Variants in OPCML observed in about 807,000 individuals in gnomAD.
OPCML encodes the protein opioid binding protein/cell adhesion molecule like, also known as opioid-binding protein/cell adhesion molecule.
In OPCML, 13 loss-of-function variants were observed where a neutral mutation model predicts 37.8. That is an observed-to-expected ratio of 0.34 (90% CI 0.22 to 0.55). The LOEUF (loss-of-function observed/expected upper bound fraction) is 0.55, where lower values mean the gene tolerates loss of function less well. Ranked by LOEUF, OPCML falls within the 20% of genes least tolerant of loss-of-function variation. OPCML has a pLI of 0.91. For synonymous variants in OPCML, 176 were observed against 168.8 expected (o/e 1.04, Z -0.33); for missense variants, 341 against 435.6 (o/e 0.78, Z 1.93).
At chr11:132,835,674 A>G (rs957569507) in intron 2 of OPCML, among the ~76,000 whole-genome samples, 1 of 152,200 alleles carries the variant, frequency 6.6e-6, no homozygotes, top group Admixed American at 6.5e-5. Context: ...TGGACCCTAG[A>G]AGAGGCCCTA....
At chr11:133,498,076 C>A (rs1421295474) in intron 1 of OPCML, among the ~76,000 whole-genome samples, 2 of 152,182 alleles carry the variant, frequency 1.3e-5, no homozygotes, top group African/African-American at 4.8e-5. Context: ...GGGGCCAAGG[C>A]AGCATCTCTG....
chr11:132,499,709 T>TA (rs1565615843), intron 4 of OPCML, among the ~76,000 whole-genome samples: 1 of 152,208 alleles, frequency 6.6e-6, no homozygotes, highest in Non-Finnish European at 1.5e-5. Flanking sequence ...AACAGAGATG[T>TA]GCATTAGAAC....
intron 2 of OPCML, among the ~76,000 whole-genome samples, chr11:132,919,693 G>A (rs1367676436): frequency 1.3e-5 from 2 of 152,106 alleles, no homozygotes; most frequent in Non-Finnish European, 2.9e-5. Context: ...CAAGTACCGT[G>A]ATGTGTTGAA....
chr11:132,505,421 C>A (rs562322704), intron 4 of OPCML, among the ~76,000 whole-genome samples: 27 of 152,180 alleles, frequency 1.8e-4, no homozygotes, highest in South Asian at 1.7e-3. Flanking sequence ...ATAAAAAAAT[C>A]GGCTTCCAGA....
chr11:132,904,503 T>C lies in OPCML; in HGVS notation c.146+38423A>G, dbSNP rs570892644. The stretch of plus-strand genomic sequence containing the variant: ...TCTTGAATTTGTGACCTCAGACTGC[T>C]GTGAAATAAATGCAATTTGGAGAAT... On this transcript the variant is annotated intron_variant, in intron 2 of 7. Coordinates refer to ENST00000524381, the MANE Select transcript of OPCML (RefSeq NM_001012393.5). Among the ~76,000 whole-genome samples, 120 of 152,250 alleles carry C rather than the reference T, an allele frequency of 7.9e-4. 1 individual carries two copies. Among genetic ancestry groups the C allele is most frequent in the Admixed American group, 1.6e-3 (25 of 15,286 alleles).
intron 1 of OPCML, among the ~76,000 whole-genome samples, chr11:133,107,437 C>T (rs1382025305): frequency 1.3e-5 from 2 of 152,180 alleles, no homozygotes; most frequent in Non-Finnish European, 2.9e-5. Flanking sequence ...CTTGTCCATG[C>T]TTCTGGAGCT....
At chr11:132,690,171 T>C (rs1200188337) in intron 2 of OPCML, among the ~76,000 whole-genome samples, 1 of 152,084 alleles carries the variant, frequency 6.6e-6, no homozygotes, top group Non-Finnish European at 1.5e-5. Flanking sequence ...AACTCCTGGG[T>C]TCAAGTGGTC....
chr11:132,483,740 C>T (rs1423962783), intron 4 of OPCML, among the ~76,000 whole-genome samples: 1 of 151,860 alleles, frequency 6.6e-6, no homozygotes, highest in Non-Finnish European at 1.5e-5. Flanking sequence ...TGGAACAGAA[C>T]AGAGCCCTCA....
At chr11:132,928,162 C>T (rs776381099) in intron 2 of OPCML, among the ~76,000 whole-genome samples, 9 of 151,888 alleles carry the variant, frequency 5.9e-5, no homozygotes, top group Admixed American at 1.3e-4. Context: ...ATGGATTAAA[C>T]GGCACAATCT....
chr11:133,249,340 A>G (rs1316174234), intron 1 of OPCML, among the ~76,000 whole-genome samples: 1 of 152,162 alleles, frequency 6.6e-6, no homozygotes, highest in African/African-American at 2.4e-5. Context: ...TTGAACGATC[A>G]GTTCTGGTGA....
intron 2 of OPCML, among the ~76,000 whole-genome samples, chr11:132,823,973 C>T (rs1420564477): frequency 6.6e-6 from 1 of 152,172 alleles, no homozygotes; most frequent in Non-Finnish European, 1.5e-5. Context: ...CTGACCTGTC[C>T]CTTCCTGCTG....
intron 1 of OPCML, chr11:133,004,377 C>T (rs2136856833): frequency 1.0e-6 from 1 of 985,476 alleles, no homozygotes; most frequent in South Asian, 4.7e-5. Context: ...GTTCTGCTCT[C>T]TCTTCAGAGG....
At chr11:133,175,494 A>AC (rs1044947621) in intron 1 of OPCML, among the ~76,000 whole-genome samples, 10 of 151,926 alleles carry the variant, frequency 6.6e-5, no homozygotes, top group African/African-American at 2.4e-4. Context: ...GAAAAAAAAA[A>AC]AAAACAGAAC....
At chr11:133,366,434 A>G (rs1028980336) in intron 1 of OPCML, among the ~76,000 whole-genome samples, 7 of 152,162 alleles carry the variant, frequency 4.6e-5, no homozygotes, top group South Asian at 4.1e-4. Context: ...CCCCTTCCCT[A>G]TGGGGAAGAA....
chr11:133,239,899 A>C (rs1025106568), intron 1 of OPCML, among the ~76,000 whole-genome samples: 5 of 152,128 alleles, frequency 3.3e-5, no homozygotes, highest in Admixed American at 2.6e-4. Context: ...AAAGGAATAA[A>C]ATGTGTCATT....
intron 2 of OPCML, among the ~76,000 whole-genome samples, chr11:132,801,089 A>G (rs547711758): frequency 1.3e-5 from 2 of 152,334 alleles, no homozygotes; most frequent in South Asian, 2.1e-4. Flanking sequence ...AGGTCTACTC[A>G]AATTTTTAAT....
intron 2 of OPCML, among the ~76,000 whole-genome samples, chr11:132,660,332 C>T (rs1201371350): frequency 6.6e-6 from 1 of 152,150 alleles, no homozygotes. Context: ...CCAAAAATCA[C>T]ATAGTAATAT....
intron 2 of OPCML, among the ~76,000 whole-genome samples, chr11:132,667,306 A>T (rs1257786007): frequency 6.6e-6 from 1 of 152,202 alleles, no homozygotes; most frequent in African/African-American, 2.4e-5. Context: ...TAGCCTGCAT[A>T]TCACCTGTGC....
intron 1 of OPCML, among the ~76,000 whole-genome samples, chr11:133,449,787 C>T (rs895587151): frequency 4.0e-5 from 6 of 151,688 alleles, no homozygotes; most frequent in African/African-American, 1.2e-4. Flanking sequence ...TGCAGAGTCG[C>T]TATTTCTAAA....
Sources: gnomAD v4.1 joint callset for allele counts (sites outside exome capture counted in the v4.1 genomes callset) on GRCh38, gnomAD v4.1.1 for gene constraint, MANE v1.5 for transcripts, NCBI Gene and HGNC (gene_info 2026-07-23, HGNC 2026-07-21) for gene names.